Variants in SMIM14 observed in about 807,000 individuals in gnomAD.
SMIM14 encodes small integral membrane protein 14.
In SMIM14, 5 loss-of-function variants were observed where a neutral mutation model predicts 12.6. The ratio of observed to expected loss-of-function variants is 0.40; its 90% CI spans 0.21 to 0.83. The LOEUF (loss-of-function observed/expected upper bound fraction) is 0.83, where lower values mean the gene tolerates loss of function less well. SMIM14 is among the 40% of genes least tolerant of loss of function. SMIM14 has a pLI of 0.37. For missense variants in SMIM14, 86 were observed against 119.1 expected (o/e 0.72, Z 1.29); for synonymous variants, 30 against 40.1 (o/e 0.75, Z 0.95).
At chr4:39,588,287 A>G (rs144151390) in intron 2 of SMIM14, among the ~76,000 whole-genome samples, 208 of 152,322 alleles carry the variant, frequency 1.4e-3, no homozygotes, top group African/African-American at 4.8e-3. Context: ...CACGCCTGTA[A>G]TCCCAGCACT....
intron 1 of SMIM14, among the ~76,000 whole-genome samples, chr4:39,632,721 T>C (rs1715948934): frequency 1.4e-5 from 2 of 146,716 alleles, no homozygotes; most frequent in African/African-American, 5.1e-5. Flanking sequence ...GAGGCTGCAA[T>C]GAGCCGAGAT....
intron 2 of SMIM14, among the ~76,000 whole-genome samples, chr4:39,597,157 C>T (rs1356523124): frequency 2.0e-5 from 3 of 149,902 alleles, no homozygotes; most frequent in African/African-American, 7.4e-5. Flanking sequence ...CATATGACTC[C>T]CTAGAGTATT....
chr4:39,596,598 G>C (rs1353679093), intron 2 of SMIM14, among the ~76,000 whole-genome samples: 3 of 152,100 alleles, frequency 2.0e-5, no homozygotes, highest in African/African-American at 7.2e-5. Flanking sequence ...GTTTTCAATG[G>C]ACTAGGCCCC....
intron 1 of SMIM14, among the ~76,000 whole-genome samples, chr4:39,608,210 C>T (rs561206394): frequency 6.6e-6 from 1 of 152,310 alleles, no homozygotes; most frequent in Admixed American, 6.5e-5. Flanking sequence ...TGGTGGCTCA[C>T]GCCTATAATC....
chr4:39,614,945 T>G (rs1339251140), intron 1 of SMIM14, among the ~76,000 whole-genome samples: 3 of 152,206 alleles, frequency 2.0e-5, no homozygotes, highest in African/African-American at 7.2e-5. Flanking sequence ...CAGTAATAAC[T>G]CAGTTGAGTC....
intron 4 of SMIM14, among the ~76,000 whole-genome samples, chr4:39,553,951 C>T (rs1192243059): frequency 2.0e-5 from 3 of 151,978 alleles, no homozygotes; most frequent in Admixed American, 6.6e-5. Context: ...GTATGTTTTT[C>T]GTTTTGATTT....
chr4:39,603,408 A>C (rs1714687554), intron 2 of SMIM14, among the ~76,000 whole-genome samples: 1 of 151,944 alleles, frequency 6.6e-6, no homozygotes, highest in Non-Finnish European at 1.5e-5. Context: ...AAATACAAAA[A>C]ATTAGCTGGG....
At chr4:39,624,816 GAA>G (rs539792739) in intron 1 of SMIM14, among the ~76,000 whole-genome samples, 1 of 110,278 alleles carries the variant, frequency 9.1e-6, no homozygotes, top group African/African-American at 3.6e-5. Context: ...ACACCATCTC[GAA>G]AAAAAAAAAA....
At chr4:39,628,959 C>T (rs1212197759) in intron 1 of SMIM14, among the ~76,000 whole-genome samples, 1 of 151,294 alleles carries the variant, frequency 6.6e-6, no homozygotes, top group Non-Finnish European at 1.5e-5. Context: ...TCTCGAACTC[C>T]TTACTTCAGA....
chr4:39,561,916 T>C (rs894083717), intron 3 of SMIM14, among the ~76,000 whole-genome samples: 1 of 151,840 alleles, frequency 6.6e-6, no homozygotes, highest in Non-Finnish European at 1.5e-5. Context: ...CTGGGCAACA[T>C]AGTGAGACTC....
At chr4:39,611,279 G>C (rs1715020264) in intron 1 of SMIM14, among the ~76,000 whole-genome samples, 1 of 152,222 alleles carries the variant, frequency 6.6e-6, no homozygotes, top group African/African-American at 2.4e-5. Context: ...GCCAAGGCAG[G>C]CAGATCACCT....
In SMIM14 at chr4:39,638,002, C is replaced by G. The variant is rs538661498; in HGVS notation, c.-36+737G>C. On this transcript the variant is annotated intron_variant, in intron 1 of 4. Transcript: ENST00000295958. ...GCCAACTGGGGCAACTGAAAACATCCTACCGACTCTCTACAGCTAGCAAAC... is the reference window on the plus strand; with the variant it reads ...GCCAACTGGGGCAACTGAAAACATCGTACCGACTCTCTACAGCTAGCAAAC... 2.0e-5 allele frequency among the ~76,000 whole-genome samples: 3 copies of G among 152,320 alleles called. No individual in the cohort carries two copies. The East Asian group carries it at 5.8e-4, about 29-fold the overall frequency.
chr4:39,566,437 T>C (rs991719738), intron 3 of SMIM14, among the ~76,000 whole-genome samples: 1 of 151,778 alleles, frequency 6.6e-6, no homozygotes, highest in Non-Finnish European at 1.5e-5. Context: ...AGTGAATGTC[T>C]AGAAAAGGAA....
rs1373013621 is a variant in SMIM14 at position 39,576,668 on chromosome 4, A to ATATG, written c.76-4206_76-4205insCATA. Among the ~76,000 whole-genome samples the ATATG allele has an allele frequency of 1.0e-3, 22 of 21,500 alleles. 1 individual carries two copies. Among genetic ancestry groups the ATATG allele is most frequent in the African/African-American group, 3.2e-3 (21 of 6,476 alleles). The allele number at this position is 21,500 out of a possible 152,430, so 14.1% of individuals were successfully genotyped here. ...TATGTGTGTGTGTATGTGTATATAT[A>ATATG]TATATATATATATATATTTTTTTTT... On this transcript the variant is annotated intron_variant, in intron 2 of 4. Transcript: ENST00000295958.
intron 3 of SMIM14, among the ~76,000 whole-genome samples, chr4:39,560,250 CTTTTT>C (rs773257583): frequency 1.4e-5 from 2 of 140,764 alleles, no homozygotes; most frequent in Non-Finnish European, 3.1e-5. Flanking sequence ...CTTTTCTTTT[CTTTTT>C]TTTTTTTTTT....
chr4:39,574,496 G>GCCTC (rs1215715502), intron 2 of SMIM14, among the ~76,000 whole-genome samples: 2 of 152,120 alleles, frequency 1.3e-5, no homozygotes, highest in Non-Finnish European at 1.5e-5. Context: ...GCCCACCTCA[G>GCCTC]CCTCCCAAAG....
At chr4:39,637,731 G>A (rs548956057) in intron 1 of SMIM14, among the ~76,000 whole-genome samples, 1 of 152,202 alleles carries the variant, frequency 6.6e-6, no homozygotes, top group Non-Finnish European at 1.5e-5. Flanking sequence ...AAGTGGAAGG[G>A]AATGCAAAGC....
intron 1 of SMIM14, among the ~76,000 whole-genome samples, chr4:39,628,480 C>T (rs922792075): frequency 1.3e-5 from 2 of 151,862 alleles, no homozygotes; most frequent in East Asian, 1.9e-4. Context: ...CAAGACCAGC[C>T]GGGCCAACAT....
intron 2 of SMIM14, among the ~76,000 whole-genome samples, chr4:39,576,558 A>G (rs1713175699): frequency 6.7e-6 from 1 of 149,886 alleles, no homozygotes; most frequent in African/African-American, 2.4e-5. Flanking sequence ...TGCTCTCTAC[A>G]AAGGCTCAGA....
Sources: allele counts gnomAD v4.1 joint callset (sites outside exome capture counted in the v4.1 genomes callset), GRCh38; gene constraint gnomAD v4.1.1; transcripts MANE v1.5; gene names NCBI Gene and HGNC (gene_info 2026-07-23, HGNC 2026-07-21).